The following RGPD4 variants were observed in gnomAD, a reference collection of about 807,000 sequenced individuals.
RGPD4 encodes the protein RANBP2 like and GRIP domain containing 4, also known as ranBP2-like and GRIP domain-containing protein 4.
Under a neutral mutation model 141.1 loss-of-function variants are expected in RGPD4, and 84 were observed. That is an observed-to-expected ratio of 0.60 (90% CI 0.50 to 0.71). The LOEUF (loss-of-function observed/expected upper bound fraction) is 0.71, where lower values mean the gene tolerates loss of function less well. Among genes scored for constraint, RGPD4 ranks in the 30% least tolerant of loss-of-function variants. The probability of loss-of-function intolerance (pLI) is 0.00; values close to 1 mark genes in which losing one functional copy is unlikely to be tolerated. For missense variants in RGPD4, 918 were observed against 1,622.4 expected (o/e 0.57, Z 7.46); for synonymous variants, 298 against 566.8 (o/e 0.53, Z 6.74).
chr2:107,850,974 ATCTG>A (rs1682100057), intron 7 of RGPD4, among the ~76,000 whole-genome samples: 1 of 25,756 alleles, frequency 3.9e-5, no homozygotes, highest in Admixed American at 2.9e-4. Flanking sequence ...TTTAAAATTT[ATCTG>A]TCTGTGTGTC....
intron 1 of RGPD4, among the ~76,000 whole-genome samples, chr2:107,828,610 C>T (rs1681331431): frequency 1.7e-5 from 2 of 120,338 alleles, no homozygotes; most frequent in African/African-American, 3.4e-5. Context: ...CGGGCGGCGG[C>T]GGCCTCGACC....
intron 17 of RGPD4, among the ~76,000 whole-genome samples, chr2:107,863,712 T>C (rs1682636324): frequency 6.6e-6 from 1 of 151,976 alleles, no homozygotes; most frequent in East Asian, 1.9e-4. Flanking sequence ...AGGCTGGTTT[T>C]GAACTTCTGA....
chr2:107,841,218 A>G (rs980786076), intron 4 of RGPD4, among the ~76,000 whole-genome samples: 7 of 129,576 alleles, frequency 5.4e-5, no homozygotes, highest in Non-Finnish European at 1.0e-4. Context: ...TAAAGAACAT[A>G]TGTAATGGTA....
chr2:107,827,756 G>T (rs1284129063), intron 1 of RGPD4, among the ~76,000 whole-genome samples: 2 of 35,868 alleles, frequency 5.6e-5, no homozygotes, highest in Admixed American at 2.1e-4. Flanking sequence ...GGCTCCTGAC[G>T]GGCGCTGCTC....
rs181918623 is a variant in RGPD4 at position 107,883,908 on chromosome 2, C to T, written c.5266+1035C>T. On this transcript the variant is annotated intron_variant, in intron 22 of 22. Transcript: ENST00000408999. ...TTTCAACTCATGGACAATCTTTTGG[C>T]ATAAATAGGGGAGAGTTAGAGACTT... Among the ~76,000 whole-genome samples the T allele has an allele frequency of 2.8e-3, 423 of 152,278 alleles. 2 individuals are homozygous for T. The highest frequency in any genetic ancestry group is 9.3e-3 in the African/African-American group (387 of 41,550).
intron 22 of RGPD4, among the ~76,000 whole-genome samples, 181 bp from the exon 23 acceptor site, chr2:107,890,540 C>T (rs1160811346): frequency 1.0e-5 from 1 of 97,992 alleles, no homozygotes; most frequent in Non-Finnish European, 1.9e-5. Context: ...CAGAGCAAGA[C>T]CCTGTCTCAA....
At chr2:107,878,581 A>C (rs540466680) in intron 20 of RGPD4, among the ~76,000 whole-genome samples, 2 of 148,772 alleles carry the variant, frequency 1.3e-5, no homozygotes. Context: ...GGCTGCTCCA[A>C]TAAAATTTCT....
rs1198329960 is a variant in RGPD4, at chr2:107,859,725, T to C, written c.1638T>C (p.Pro546=). 1 of 1,611,176 alleles carries C rather than the reference T, an allele frequency of 6.2e-7. No homozygotes were observed. The highest frequency in any genetic ancestry group is 1.1e-5 in the South Asian group (1 of 90,978). The change falls in exon 12 of 23, where the codon CCT becomes CCC. Residue 546 remains proline, a synonymous_variant. Coordinates refer to ENST00000408999, the MANE Select transcript of RGPD4 (RefSeq NM_182588.3). The part of the protein sequence containing the change: ...VCTLIHRKAV[P]GNSAKLRLLV... ...AGTAAATTGAACTATTTTTTAGACC[T>C]GGAAACTCAGCAAAATTGAGACTTT...
rs1465398565 is a variant in RGPD4 at position 107,871,189 on chromosome 2, C to G, written c.3185C>G (p.Ser1062Ter). The change falls in exon 20 of 23, where the codon TCA (serine) becomes TGA (stop). Residue 1062 changes from serine to a stop codon, truncating the protein, a stop_gained. Coordinates refer to ENST00000408999, the MANE Select transcript of RGPD4 (RefSeq NM_182588.3). LOFTEE classifies it high-confidence loss of function. ...IGEEGEKVLY[S>*]QGVKLFRFDA... ...GAAGAAGGTGAAAAAGTTCTGTATT[C>G]ACAGGGGGTAAAACTATTTAGATTT... 9 of 1,609,824 alleles carry G rather than the reference C, an allele frequency of 5.6e-6. No homozygotes were observed. The highest frequency in any genetic ancestry group is 7.6e-6 in the Non-Finnish European group (9 of 1,179,682).
At chr2:107,854,736 T>C (rs1227691871) in intron 8 of RGPD4, 93 bp downstream of exon 8, 12 of 1,547,892 alleles carry the variant, frequency 7.8e-6, no homozygotes, top group Non-Finnish European at 1.0e-5. Context: ...GTCCAGGAGA[T>C]AATTTGTCAA....
intron 9 of RGPD4, among the ~76,000 whole-genome samples, chr2:107,858,003 T>C (rs1682387489): frequency 6.6e-6 from 1 of 151,986 alleles, no homozygotes; most frequent in Non-Finnish European, 1.5e-5. Flanking sequence ...ACAAAAAGTG[T>C]TGGAATTATA....
chr2:107,833,175 AG>A, intron 1 of RGPD4, among the ~76,000 whole-genome samples: 1 of 150,022 alleles, frequency 6.7e-6, no homozygotes, highest in East Asian at 2.0e-4. Context: ...GGAGGATTTT[AG>A]GGGGAGGGAG....
At chr2:107,831,690 C>T (rs1681497902) in intron 1 of RGPD4, among the ~76,000 whole-genome samples, 1 of 143,478 alleles carries the variant, frequency 7.0e-6, no homozygotes, top group African/African-American at 2.6e-5. Flanking sequence ...ATTCTCCTGC[C>T]CCAGCCTGTA....
At position 107,872,794 on chromosome 2, in the gene RGPD4, T is replaced by C. The variant is rs199615690; in HGVS notation, c.4790T>C (p.Val1597Ala). The C allele has an allele frequency of 1.1e-5, 17 of 1,610,848 alleles. No homozygotes were observed. The highest frequency in any genetic ancestry group is 5.5e-5 in the South Asian group (5 of 90,946). Residue 1597 changes from valine to alanine, a missense_variant, in exon 20 of 23, where the codon GTG becomes GCG. Coordinates refer to ENST00000408999, the MANE Select transcript of RGPD4 (RefSeq NM_182588.3). Reference sequence around the variant, plus strand: ...GCCCAGAGTGGATCTGAAAGCAAAGTGGAACCTAAAAAATGTGAACTGTCA... The same window carrying C: ...GCCCAGAGTGGATCTGAAAGCAAAGCGGAACCTAAAAAATGTGAACTGTCA... The part of the protein sequence containing the change: ...SVAQSGSESK[V>A]EPKKCELSKN...
chr2:107,829,912 G>T (rs1277865169), intron 1 of RGPD4, among the ~76,000 whole-genome samples: 1 of 152,018 alleles, frequency 6.6e-6, no homozygotes, highest in African/African-American at 2.4e-5. Context: ...TGCGGCGGAG[G>T]TCGTACCTCC....
chr2:107,883,086 A>G (rs1191150941), intron 22 of RGPD4: 1 of 684,846 alleles, frequency 1.5e-6, no homozygotes, highest in Non-Finnish European at 2.6e-6. Context: ...TCAGCAAAAT[A>G]CAATAAGTGC....
At chr2:107,883,321 G>A in intron 22 of RGPD4, 2 of 337,648 alleles carry the variant, frequency 5.9e-6, no homozygotes, top group Admixed American at 3.7e-5. Flanking sequence ...CACTTTCTAG[G>A]CAAATGCAGT....
At chr2:107,830,692 G>A (rs1681452845) in intron 1 of RGPD4, among the ~76,000 whole-genome samples, 1 of 152,018 alleles carries the variant, frequency 6.6e-6, no homozygotes, top group Admixed American at 6.6e-5. Context: ...TGGATAGAAG[G>A]TAAAGAATGG....
chr2:107,890,830 T>A lies in RGPD4; in HGVS notation c.*99T>A. ...ATATTTTTATTAACCAAATAAAATC[T>A]ATTTACAAAAATGGTTCATGTGTAT... is the stretch of plus-strand genomic sequence containing the variant. On this transcript the variant is annotated 3_prime_UTR_variant, in exon 23 of 23. Coordinates refer to ENST00000408999, the MANE Select transcript of RGPD4 (RefSeq NM_182588.3). 6.5e-7 allele frequency: 1 copy of A among 1,537,486 alleles called. No individual in the cohort carries two copies. The highest frequency in any genetic ancestry group is 8.9e-7 in the Non-Finnish European group (1 of 1,128,232).
Sources: allele counts gnomAD v4.1 joint callset (sites outside exome capture counted in the v4.1 genomes callset), GRCh38; gene constraint gnomAD v4.1.1; transcripts MANE v1.5; gene names NCBI Gene and HGNC (gene_info 2026-07-23, HGNC 2026-07-21).